Variants in LOXHD1 observed in about 807,000 individuals in gnomAD.
The protein encoded by LOXHD1 is lipoxygenase homology PLAT domains 1.
LOXHD1 carries 205 observed loss-of-function variants against 248.2 expected under a neutral mutation model. That is an observed-to-expected ratio of 0.83 (90% CI 0.74 to 0.93). LOXHD1 has a LOEUF of 0.93. Among genes scored for constraint, LOXHD1 ranks in the 40% least tolerant of loss-of-function variants. The probability of loss-of-function intolerance (pLI) is 0.00; values close to 1 mark genes in which losing one functional copy is unlikely to be tolerated. For synonymous variants in LOXHD1, 1,113 were observed against 1,162.8 expected (o/e 0.96, Z 0.87); for missense variants, 2,930 against 2,971.6 (o/e 0.99, Z 0.33).
chr18:46,592,515 C>G lies in LOXHD1; in HGVS notation c.1501G>C (p.Gly501Arg). Residue 501 changes from glycine to arginine, a missense_variant, in exon 11 of 41, where the codon GGA becomes CGA. Transcript: ENST00000642948. The part of the protein sequence containing the change: ...VWHDKRSSGS[G>R]WHLERMTLMN... ...CATCTCACCCTTTCTAAATGCCATCCAGAACCAGAACTCCTTTTATCATGC... is the reference window on the plus strand; with the variant it reads ...CATCTCACCCTTTCTAAATGCCATCGAGAACCAGAACTCCTTTTATCATGC... 6.4e-7 allele frequency: 1 copy of G among 1,551,602 alleles called. No individual in the cohort carries two copies. The highest frequency in any genetic ancestry group is 8.7e-7 in the Non-Finnish European group (1 of 1,146,918).
At position 46,592,278 on chromosome 18, in the gene LOXHD1, A is replaced by C. The variant is rs1301671821; in HGVS notation, c.1519-210T>G. Among the ~76,000 whole-genome samples, 5 of 53,378 alleles carry C rather than the reference A, an allele frequency of 9.4e-5. No individual in the cohort carries two copies. The East Asian group carries it at 2.4e-3, about 26-fold the overall frequency. 35.0% of individuals were successfully genotyped at this position (53,378 alleles called of 152,430 possible). A position where few individuals can be genotyped will look rare whatever the true frequency, so the allele number is the denominator to read the frequency against. ...AACCAGATGACTAGGGCAGAATGCA[A>C]GCCCCCCAAACACCTGAGCGTTTTC... On this transcript the variant is annotated intron_variant, in intron 11 of 40. Transcript: ENST00000642948.
intron 34 of LOXHD1, among the ~76,000 whole-genome samples, chr18:46,517,354 G>T (rs896353587): frequency 7.9e-5 from 12 of 152,144 alleles, no homozygotes; most frequent in African/African-American, 1.2e-4. Context: ...GGTATAGTTT[G>T]CAGTGCCACA....
At chr18:46,566,591 G>A (rs1349571041) in intron 16 of LOXHD1, 142 bp from the exon 17 acceptor site, 14 of 764,212 alleles carry the variant, frequency 1.8e-5, no homozygotes, top group Middle Eastern at 2.9e-4. Context: ...GGGAAAGCTG[G>A]AATCCCATTC....
intron 37 of LOXHD1, among the ~76,000 whole-genome samples, chr18:46,490,976 C>T (rs1375260832): frequency 6.6e-6 from 1 of 152,156 alleles, no homozygotes; most frequent in African/African-American, 2.4e-5. Context: ...TCAATGCATT[C>T]AGTCTGGAAA....
chr18:46,604,109 T>G lies in LOXHD1; in HGVS notation c.880A>C (p.Thr294Pro), dbSNP rs1480376424. 2 of 1,551,720 alleles carry G rather than the reference T, an allele frequency of 1.3e-6. No individual in the cohort carries two copies. Among genetic ancestry groups the G allele is most frequent in the South Asian group, 1.2e-5 (1 of 84,068 alleles). ...CCTCCCCTTTCTTCAAATCTACCTG[T>G]GGTCTCAGCTCCGCCCACTAAGATA... ...RDILVGGAET[T>P]AITYIVTVFT... Residue 294 changes from threonine (T) to proline (P), a missense_variant, in exon 7 of 41, where the codon ACA (threonine) becomes CCA (proline). By Grantham distance (38) the Thr-to-Pro change is conservative. Transcript: ENST00000642948.
At chr18:46,564,940 T>G (rs1381294429) in intron 17 of LOXHD1, among the ~76,000 whole-genome samples, 2 of 152,292 alleles carry the variant, frequency 1.3e-5, no homozygotes, top group African/African-American at 4.8e-5. Flanking sequence ...AAGTGAGCCT[T>G]GGGCAGTTGC....
chr18:46,600,978 G>A (rs1437540634), intron 8 of LOXHD1, among the ~76,000 whole-genome samples: 4 of 152,242 alleles, frequency 2.6e-5, no homozygotes, highest in Admixed American at 2.0e-4. Context: ...CCAACTGAGC[G>A]CCTCTGGGTA....
chr18:46,547,878 T>C (rs2036917348), intron 21 of LOXHD1, among the ~76,000 whole-genome samples: 1 of 152,222 alleles, frequency 6.6e-6, no homozygotes, highest in African/African-American at 2.4e-5. Flanking sequence ...ATTTGAGTCA[T>C]GCTTATACAA....
At chr18:46,495,738 C>T (rs964681364) in intron 37 of LOXHD1, among the ~76,000 whole-genome samples, 6 of 152,182 alleles carry the variant, frequency 3.9e-5, no homozygotes, top group Middle Eastern at 3.4e-3. Flanking sequence ...TGGGAAAATT[C>T]GCCATGGAGT....
At chr18:46,572,970 C>G (rs2037783345) in intron 14 of LOXHD1, among the ~76,000 whole-genome samples, 1 of 126,426 alleles carries the variant, frequency 7.9e-6, no homozygotes, top group African/African-American at 3.0e-5. Context: ...TTGCAGTGAG[C>G]AGAGATTGCG....
At chr18:46,542,273 G>C (rs1251726192) in intron 24 of LOXHD1, among the ~76,000 whole-genome samples, 4 of 152,158 alleles carry the variant, frequency 2.6e-5, no homozygotes, top group Non-Finnish European at 4.4e-5. Context: ...GCTTCAAACA[G>C]AACTCAGGGA....
chr18:46,562,898 T>C (rs1370213421), intron 18 of LOXHD1, among the ~76,000 whole-genome samples, 167 bp downstream of exon 18: 1 of 152,026 alleles, frequency 6.6e-6, no homozygotes, highest in Non-Finnish European at 1.5e-5. Context: ...ATCCCCTCAT[T>C]TTAGGCCGAA....
chr18:46,505,104 A>T (rs2034476290), intron 37 of LOXHD1, among the ~76,000 whole-genome samples: 1 of 152,198 alleles, frequency 6.6e-6, no homozygotes, highest in Non-Finnish European at 1.5e-5. Context: ...CACTTGGTTT[A>T]TATCCTATTT....
chr18:46,657,018 T>G lies in LOXHD1; in HGVS notation c.16A>C (p.Lys6Gln). ...TCGATGTCCTTCTTCCTCCGCCTTT[T>G]CTTCTGGGGCATCATTCTGTCGGCT... MMPQK[K>Q]RRRKKDIDFL... The change falls in exon 1 of 41, where the codon AAA (lysine) becomes CAA (glutamine). Residue 6 changes from lysine (K) to glutamine (Q), a missense_variant. Transcript: ENST00000642948. The G allele has an allele frequency of 6.4e-7, 1 of 1,551,616 alleles. No homozygotes were observed. The highest frequency in any genetic ancestry group is 2.4e-5 in the East Asian group (1 of 40,904).
chr18:46,477,304 G>T lies in LOXHD1; in HGVS notation c.*168C>A. 4.5e-6 allele frequency: 4 copies of T among 887,490 alleles called. No homozygotes were observed. The highest frequency in any genetic ancestry group is 7.4e-6 in the Non-Finnish European group (4 of 543,480). The allele number at this position is 887,490 out of a possible 1,614,324, so 55.0% of individuals were successfully genotyped here. The stretch of plus-strand genomic sequence containing the variant: ...CACATGCTAATTATTATCACTGTAG[G>T]TTCAATAAACTGGGGGTAGGGTGGG... On this transcript the variant is annotated 3_prime_UTR_variant, in exon 41 of 41. Transcript: ENST00000642948.
At chr18:46,656,382 TAGA>T (rs2039181725) in intron 1 of LOXHD1, among the ~76,000 whole-genome samples, 1 of 152,168 alleles carries the variant, frequency 6.6e-6, no homozygotes, top group East Asian at 1.9e-4. Flanking sequence ...AAGATGAGAC[TAGA>T]AGGACAAGGC....
intron 2 of LOXHD1, among the ~76,000 whole-genome samples, chr18:46,645,765 T>C (rs2039021365): frequency 2.0e-5 from 3 of 150,766 alleles, no homozygotes; most frequent in Non-Finnish European, 4.4e-5. Context: ...AATTATTCTG[T>C]ACTAGGAAAA....
chr18:46,543,160 A>G (rs934240525), intron 23 of LOXHD1, among the ~76,000 whole-genome samples: 3 of 151,980 alleles, frequency 2.0e-5, no homozygotes, highest in Non-Finnish European at 4.4e-5. Flanking sequence ...TTTATCCCTC[A>G]TCCCCTTCCC....
At chr18:46,619,955 T>C (rs11082545) in intron 4 of LOXHD1, among the ~76,000 whole-genome samples, 22,496 of 152,184 alleles carry the variant, frequency 0.15, 2,868 homozygotes, top group African/African-American at 0.35. Flanking sequence ...CCTCTGAGAC[T>C]GCAGCCAGAA....
Sources: gnomAD v4.1 joint callset for allele counts (sites outside exome capture counted in the v4.1 genomes callset) on GRCh38, gnomAD v4.1.1 for gene constraint, MANE v1.5 for transcripts, NCBI Gene and HGNC (gene_info 2026-07-23, HGNC 2026-07-21) for gene names.